Variants in SWAP70 observed in about 807,000 individuals in gnomAD.
SWAP70 encodes switch-associated protein 70.
Under a neutral mutation model 80.2 loss-of-function variants are expected in SWAP70, and 34 were observed. That is an observed-to-expected ratio of 0.42 (90% CI 0.32 to 0.56). SWAP70 has a LOEUF of 0.56. Ranked by LOEUF, SWAP70 falls within the 20% of genes least tolerant of loss-of-function variation. The pLI is 0.09. For synonymous variants in SWAP70, 239 were observed against 238.5 expected (o/e 1.00, Z -0.02); for missense variants, 578 against 690.7 (o/e 0.84, Z 1.83).
At chr11:9,729,318 G>A (rs1344411899) in intron 5 of SWAP70, 25 bp from the exon 6 acceptor site, 11 of 1,428,136 alleles carry the variant, frequency 7.7e-6, no homozygotes, top group African/African-American at 4.3e-5. Flanking sequence ...AAATTTTGAG[G>A]AACTAATTTT....
At chr11:9,728,243 C>T in intron 5 of SWAP70, 44 bp downstream of exon 5, 4 of 1,512,670 alleles carry the variant, frequency 2.6e-6, no homozygotes, top group East Asian at 2.5e-5. Flanking sequence ...CCGTGCTGCC[C>T]CCTGATGCTG....
intron 1 of SWAP70, among the ~76,000 whole-genome samples, chr11:9,673,205 T>G (rs1033274927): frequency 6.6e-6 from 1 of 152,242 alleles, no homozygotes; most frequent in Non-Finnish European, 1.5e-5. Context: ...CTCTGGAACT[T>G]CTGATGGACC....
rs1190352195 is a variant in SWAP70, at chr11:9,740,074, C to T, written c.1189-107C>T. 8 of 975,208 alleles carry T rather than the reference C, an allele frequency of 8.2e-6. No individual in the cohort carries two copies. In the African/African-American group the frequency reaches 9.8e-5, roughly 12 times the overall value. 60.4% of individuals were successfully genotyped at this position (975,208 alleles called of 1,614,324 possible). A position where few individuals can be genotyped will look rare whatever the true frequency, so the allele number is the denominator to read the frequency against. The stretch of plus-strand genomic sequence containing the variant: ...GGATTGAAGGACAGGGTCCTGCCAC[C>T]CTGATGGGCTGAGGCTGCAGCTGTG... On this transcript the variant is annotated intron_variant, in intron 8 of 11. Coordinates refer to ENST00000318950, the MANE Select transcript of SWAP70 (RefSeq NM_015055.4).
At chr11:9,698,740 A>T (rs1471576899) in intron 2 of SWAP70, among the ~76,000 whole-genome samples, 1 of 152,118 alleles carries the variant, frequency 6.6e-6, no homozygotes, top group Non-Finnish European at 1.5e-5. Flanking sequence ...CTTTTCAGAG[A>T]TGATAACATT....
At position 9,664,233 on chromosome 11, in the gene SWAP70, A is replaced by AG. The variant is rs1430033546; in HGVS notation, c.54_55insG (p.Leu19AlafsTer20). On this transcript the variant is annotated frameshift_variant, in exon 1 of 12. Transcript: ENST00000318950. LOFTEE classifies it high-confidence loss of function. ...AAGCCATCTGGCACGCCTTCACCGC[A>AG]CTCGACCAGGACCACAGCGGCAAGG... 6.3e-7 allele frequency: 1 copy of AG among 1,595,182 alleles called. No individual in the cohort carries two copies. Among genetic ancestry groups the AG allele is most frequent in the Non-Finnish European group, 8.5e-7 (1 of 1,171,630 alleles).
At chr11:9,676,470 T>C (rs1399995517) in intron 1 of SWAP70, among the ~76,000 whole-genome samples, 5 of 152,194 alleles carry the variant, frequency 3.3e-5, no homozygotes, top group Admixed American at 2.0e-4. Context: ...AAGACTCTTA[T>C]ATAAAATGGC....
chr11:9,698,592 A>G (rs1590022989), intron 2 of SWAP70, among the ~76,000 whole-genome samples: 1 of 151,018 alleles, frequency 6.6e-6, no homozygotes, highest in Non-Finnish European at 1.5e-5. Flanking sequence ...TTTAGTAGAG[A>G]TGGAGTTTTA....
intron 7 of SWAP70, among the ~76,000 whole-genome samples, chr11:9,735,841 G>A (rs1851356337): frequency 2.0e-5 from 3 of 152,134 alleles, no homozygotes; most frequent in African/African-American, 7.2e-5. Context: ...TTACTGTGGT[G>A]TATGTGGGTG....
At chr11:9,723,322 C>T (rs1294222688) in intron 3 of SWAP70, among the ~76,000 whole-genome samples, 1 of 152,068 alleles carries the variant, frequency 6.6e-6, no homozygotes, top group East Asian at 1.9e-4. Context: ...TGACCCAGCA[C>T]ACACACACAC....
chr11:9,734,444 T>G (rs1851338861), intron 7 of SWAP70, among the ~76,000 whole-genome samples: 2 of 152,244 alleles, frequency 1.3e-5, no homozygotes. Context: ...GTTAGCAAGC[T>G]GTAGACCTAT....
In SWAP70 at chr11:9,750,183, C is replaced by CA. The variant is rs1480465620; in HGVS notation, c.*221dup. ...TGAAACCCTGTCTCTACTAAAAATA[C>CA]AAAAAAAATTAGCTGAGCGTGGTGG... On this transcript the variant is annotated 3_prime_UTR_variant, in exon 12 of 12. Coordinates refer to ENST00000318950, the MANE Select transcript of SWAP70 (RefSeq NM_015055.4). The CA allele has an allele frequency of 4.3e-5, 13 of 305,560 alleles. No homozygotes were observed. Among genetic ancestry groups the CA allele is most frequent in the South Asian group, 1.0e-4 (2 of 20,018 alleles). The allele number at this position is 305,560 out of a possible 1,614,324, so 18.9% of individuals were successfully genotyped here.
At chr11:9,666,360 A>G (rs1314950328) in intron 1 of SWAP70, among the ~76,000 whole-genome samples, 3 of 152,130 alleles carry the variant, frequency 2.0e-5, no homozygotes, top group African/African-American at 7.2e-5. Flanking sequence ...TGCTAGGATT[A>G]CAAGTGTGAC....
At chr11:9,693,619 G>C (rs1398641273) in intron 1 of SWAP70, among the ~76,000 whole-genome samples, 2 of 151,926 alleles carry the variant, frequency 1.3e-5, no homozygotes, top group African/African-American at 2.4e-5. Flanking sequence ...ATTAATATTT[G>C]GTATATTAAT....
At chr11:9,733,934 G>T (rs998394912) in intron 7 of SWAP70, among the ~76,000 whole-genome samples, 1 of 152,122 alleles carries the variant, frequency 6.6e-6, no homozygotes, top group African/African-American at 2.4e-5. Context: ...TACTACCCAG[G>T]TTAAGATAGA....
chr11:9,722,147 A>G (rs1851146474), intron 3 of SWAP70, among the ~76,000 whole-genome samples: 1 of 152,206 alleles, frequency 6.6e-6, no homozygotes, highest in Non-Finnish European at 1.5e-5. Flanking sequence ...TGTGATGGGC[A>G]TTGTGCAAAT....
At chr11:9,672,195 C>CTATGTGTATATATATA (rs530619499) in intron 1 of SWAP70, among the ~76,000 whole-genome samples, 19 of 78,418 alleles carry the variant, frequency 2.4e-4, no homozygotes, top group Admixed American at 4.2e-4. Context: ...ATGTGTGTGT[C>CTATGTGTATATATATA]TATATATATA....
intron 2 of SWAP70, among the ~76,000 whole-genome samples, chr11:9,706,364 C>A (rs1043652207): frequency 1.3e-5 from 2 of 151,900 alleles, no homozygotes; most frequent in Admixed American, 6.6e-5. Context: ...CACTGGTGAT[C>A]TGTATACATT....
rs189112989 is a variant in SWAP70 at position 9,744,912 on chromosome 11, A to G, written c.1356-2946A>G. 4.6e-4 allele frequency among the ~76,000 whole-genome samples: 70 copies of G among 152,284 alleles called. No individual in the cohort carries two copies. The East Asian group carries it at 0.013, about 29-fold the overall frequency. ...AAAAAACAAAAAAGAAAAAATTAAG[A>G]AAAATCGAGTTATTGGAAAGTTCTT... On this transcript the variant is annotated intron_variant, in intron 9 of 11. Coordinates refer to ENST00000318950, the MANE Select transcript of SWAP70 (RefSeq NM_015055.4).
intron 3 of SWAP70, among the ~76,000 whole-genome samples, chr11:9,721,042 C>A (rs909342634): frequency 1.3e-5 from 2 of 152,222 alleles, no homozygotes; most frequent in South Asian, 4.1e-4. Flanking sequence ...TCTGGAACTC[C>A]TGGCTTCAGG....
Sources: gnomAD v4.1 joint callset for allele counts (sites outside exome capture counted in the v4.1 genomes callset) on GRCh38, gnomAD v4.1.1 for gene constraint, MANE v1.5 for transcripts, NCBI Gene and HGNC (gene_info 2026-07-23, HGNC 2026-07-21) for gene names.